Variants in ESRRG observed in about 807,000 individuals in gnomAD.
ESRRG encodes the protein estrogen related receptor gamma.
ESRRG carries 13 observed loss-of-function variants against 44.0 expected under a neutral mutation model. The ratio of observed to expected loss-of-function variants is 0.30; its 90% CI spans 0.19 to 0.47. The LOEUF (loss-of-function observed/expected upper bound fraction) is 0.47. Among genes scored for constraint, ESRRG ranks in the 20% least tolerant of loss-of-function variants. The probability of loss-of-function intolerance (pLI) is 1.00; values close to 1 mark genes in which losing one functional copy is unlikely to be tolerated. For missense variants in ESRRG, 395 were observed against 580.6 expected, an observed-to-expected ratio of 0.68 and a Z score of 3.29; for synonymous variants, 215 against 214.6, an observed-to-expected ratio of 1.00 and a Z score of -0.02.
At chr1:217,020,159 G>A (rs1053198141) in intron 1 of ESRRG, among the ~76,000 whole-genome samples, 4 of 152,122 alleles carry the variant, frequency 2.6e-5, no homozygotes, top group African/African-American at 9.7e-5. Flanking sequence ...TAAATAAGGA[G>A]GCATGAAATA....
intron 3 of ESRRG, among the ~76,000 whole-genome samples, chr1:216,602,038 G>A (rs1030833296): frequency 2.6e-5 from 4 of 152,122 alleles, no homozygotes; most frequent in African/African-American, 9.7e-5. Flanking sequence ...AATAAGCATT[G>A]GATAAAAATG....
intron 2 of ESRRG, among the ~76,000 whole-genome samples, chr1:216,658,541 G>A (rs2071244326): frequency 6.6e-6 from 1 of 151,940 alleles, no homozygotes; most frequent in South Asian, 2.1e-4. Flanking sequence ...AAAGAAAGAG[G>A]CCAGGCACTG....
At chr1:216,721,056 A>C (rs886576362) in intron 1 of ESRRG, among the ~76,000 whole-genome samples, 4 of 152,256 alleles carry the variant, frequency 2.6e-5, no homozygotes, top group African/African-American at 9.6e-5. Flanking sequence ...GAGCAGATAT[A>C]TTATTTTCAT....
intron 1 of ESRRG, among the ~76,000 whole-genome samples, chr1:216,682,869 G>A (rs1419003264): frequency 1.3e-5 from 2 of 151,998 alleles, no homozygotes; most frequent in Non-Finnish European, 2.9e-5. Flanking sequence ...ACTTTACAAT[G>A]AGCTTTTTTC....
intron 1 of ESRRG, among the ~76,000 whole-genome samples, chr1:216,956,157 G>A (rs2067911877): frequency 1.3e-5 from 2 of 151,860 alleles, no homozygotes; most frequent in South Asian, 4.1e-4. Context: ...TTTTTTTCTA[G>A]TAGTTTATAG....
At chr1:217,119,721 A>G (rs2092793846) in intron 1 of ESRRG, among the ~76,000 whole-genome samples, 1 of 152,198 alleles carries the variant, frequency 6.6e-6, no homozygotes, top group Non-Finnish European at 1.5e-5. Context: ...CATTATTTGA[A>G]ACAAAGGTTG....
chr1:216,934,842 G>A (rs1205370742), intron 2 of ESRRG, among the ~76,000 whole-genome samples: 3 of 152,116 alleles, frequency 2.0e-5, no homozygotes, highest in African/African-American at 4.8e-5. Flanking sequence ...GCGTATTGGT[G>A]ACTCTTTTGA....
chr1:216,759,765 T>C (rs1016253009), intron 2 of ESRRG, among the ~76,000 whole-genome samples: 7 of 152,092 alleles, frequency 4.6e-5, no homozygotes, highest in Non-Finnish European at 8.8e-5. Context: ...GTTCTAATAA[T>C]TTGTTGAAGA....
At chr1:216,877,739 T>C (rs762869009) in intron 2 of ESRRG, among the ~76,000 whole-genome samples, 8 of 152,142 alleles carry the variant, frequency 5.3e-5, no homozygotes, top group Non-Finnish European at 1.2e-4. Flanking sequence ...ATGTTTTTAA[T>C]ATATGTAAAT....
intron 1 of ESRRG, among the ~76,000 whole-genome samples, chr1:216,695,083 A>G (rs1486774121): frequency 6.6e-6 from 1 of 152,208 alleles, no homozygotes; most frequent in African/African-American, 2.4e-5. Context: ...AGAGAATGAA[A>G]AGAAAGGAGA....
At chr1:216,649,133 C>T (rs2068322129) in intron 3 of ESRRG, among the ~76,000 whole-genome samples, 1 of 152,074 alleles carries the variant, frequency 6.6e-6, no homozygotes, top group South Asian at 2.1e-4. Flanking sequence ...TATATGTTTT[C>T]CTTTATCAAA....
chr1:217,109,862 G>T (rs1005385985), intron 1 of ESRRG, among the ~76,000 whole-genome samples: 1 of 152,206 alleles, frequency 6.6e-6, no homozygotes, highest in South Asian at 2.1e-4. Context: ...TTCATATTTA[G>T]CTCTGGTGTT....
At chr1:216,763,371 C>A (rs1487155744) in intron 2 of ESRRG, among the ~76,000 whole-genome samples, 1 of 152,096 alleles carries the variant, frequency 6.6e-6, no homozygotes, top group African/African-American at 2.4e-5. Flanking sequence ...AACTCCTTTG[C>A]TCTCAACGGC....
At chr1:216,918,783 T>G (rs11117723) in intron 2 of ESRRG, among the ~76,000 whole-genome samples, 74,334 of 149,128 alleles carry the variant, frequency 0.5, 18,841 homozygotes, top group Middle Eastern at 0.57. Context: ...TGTTTAAAAA[T>G]CCCTATATTT....
intron 2 of ESRRG, among the ~76,000 whole-genome samples, chr1:216,660,604 A>G (rs2072053247): frequency 6.6e-6 from 1 of 152,252 alleles, no homozygotes; most frequent in African/African-American, 2.4e-5. Flanking sequence ...TGAACATTCC[A>G]TCTTCTGAAA....
intron 1 of ESRRG, among the ~76,000 whole-genome samples, chr1:217,103,938 T>C (rs964639114): frequency 6.6e-6 from 1 of 152,048 alleles, no homozygotes; most frequent in African/African-American, 2.4e-5. Flanking sequence ...GGGGAAAATA[T>C]CAGAGAGATG....
intron 2 of ESRRG, among the ~76,000 whole-genome samples, chr1:216,823,452 T>C (rs1022750039): frequency 3.3e-5 from 5 of 152,170 alleles, no homozygotes; most frequent in African/African-American, 1.2e-4. Flanking sequence ...TCTTTGGAGA[T>C]TGGTATTGCA....
intron 2 of ESRRG, among the ~76,000 whole-genome samples, chr1:216,932,399 C>A (rs1193665559): frequency 6.6e-6 from 1 of 152,010 alleles, no homozygotes; most frequent in Admixed American, 6.6e-5. Context: ...TGTAAAAGAT[C>A]TTCAGCTTCA....
intron 3 of ESRRG, among the ~76,000 whole-genome samples, chr1:216,596,808 A>G (rs2058511064): frequency 6.6e-6 from 1 of 152,218 alleles, no homozygotes. Flanking sequence ...TCTGTCTACA[A>G]TATGACTTGG....
Sources: allele counts gnomAD v4.1 joint callset (sites outside exome capture counted in the v4.1 genomes callset), GRCh38; gene constraint gnomAD v4.1.1; transcripts MANE v1.5; gene names NCBI Gene and HGNC (gene_info 2026-07-23, HGNC 2026-07-21).